ITGA6: variants seen among roughly 807,000 people sequenced by gnomAD.
ITGA6 encodes the protein integrin subunit alpha 6.
A neutral mutation model predicts 133.6 loss-of-function variants in ITGA6; 63 were observed. That is an observed-to-expected ratio of 0.47 (90% CI 0.38 to 0.58). ITGA6 has a LOEUF of 0.58. Ranked by LOEUF, ITGA6 falls within the 20% of genes least tolerant of loss-of-function variation. The pLI, the probability that ITGA6 is intolerant of heterozygous loss-of-function variation, is 0.00. For synonymous variants in ITGA6, 434 were observed against 482.0 expected, an observed-to-expected ratio of 0.90 and a Z score of 1.30; for missense variants, 1,068 against 1,309.4, an observed-to-expected ratio of 0.82 and a Z score of 2.85.
At chr2:172,489,440 C>A (rs761312862) in intron 19 of ITGA6, 45 bp from the exon 20 acceptor site, 1 of 1,453,878 alleles carries the variant, frequency 6.9e-7, no homozygotes, top group Non-Finnish European at 9.7e-7. Flanking sequence ...CTTAAATTTA[C>A]ATTGAGAAGA....
intron 1 of ITGA6, among the ~76,000 whole-genome samples, chr2:172,462,917 T>A (rs1323196614): frequency 6.6e-6 from 1 of 152,184 alleles, no homozygotes; most frequent in African/African-American, 2.4e-5. Flanking sequence ...TTTCTCTGGC[T>A]CCTTCCCTTG....
At chr2:172,494,918 G>A (rs929197312) in intron 23 of ITGA6, among the ~76,000 whole-genome samples, 2 of 152,080 alleles carry the variant, frequency 1.3e-5, no homozygotes, top group African/African-American at 4.8e-5. Context: ...ATTCTTCAGG[G>A]GAATAAGATT....
intron 1 of ITGA6, among the ~76,000 whole-genome samples, chr2:172,452,195 G>T (rs930739901): frequency 6.6e-6 from 1 of 152,118 alleles, no homozygotes; most frequent in African/African-American, 2.4e-5. Flanking sequence ...TTGACTACCA[G>T]AGGCCTTAAA....
intron 23 of ITGA6, among the ~76,000 whole-genome samples, chr2:172,493,108 A>G (rs549328394): frequency 6.6e-5 from 10 of 151,938 alleles, no homozygotes; most frequent in African/African-American, 2.4e-4. Context: ...GAGTCTCACC[A>G]TGTTGCCCAG....
At chr2:172,455,947 C>T (rs908472824) in intron 1 of ITGA6, among the ~76,000 whole-genome samples, 3 of 152,172 alleles carry the variant, frequency 2.0e-5, no homozygotes, top group Non-Finnish European at 4.4e-5. Flanking sequence ...TGGATAAACG[C>T]ACAAACAAGC....
At chr2:172,486,188 A>AAAC (rs1309882655) in intron 13 of ITGA6, among the ~76,000 whole-genome samples, 3 of 150,810 alleles carry the variant, frequency 2.0e-5, no homozygotes, top group Non-Finnish European at 4.4e-5. Flanking sequence ...AAAAAAAAAA[A>AAAC]AAAAAAAAAC....
intron 1 of ITGA6, among the ~76,000 whole-genome samples, chr2:172,433,847 C>T (rs1456161045): frequency 6.6e-6 from 1 of 152,066 alleles, no homozygotes; most frequent in Non-Finnish European, 1.5e-5. Flanking sequence ...ATAGATAAAT[C>T]CCAGTGAGGT....
intron 13 of ITGA6, 90 bp from the exon 14 acceptor site, chr2:172,486,933 A>G (rs578115703): frequency 1.2e-5 from 9 of 751,926 alleles, no homozygotes; most frequent in Admixed American, 9.5e-5. Flanking sequence ...ACACAGGGAA[A>G]TGAACTGTGT....
chr2:172,451,873 C>T (rs1431910962), intron 1 of ITGA6, among the ~76,000 whole-genome samples: 3 of 151,938 alleles, frequency 2.0e-5, no homozygotes, highest in South Asian at 2.1e-4. Context: ...CCTAATAATC[C>T]GAGGGACAGA....
intron 20 of ITGA6, chr2:172,489,974 C>T (rs964099412): frequency 3.5e-6 from 1 of 289,356 alleles, no homozygotes; most frequent in African/African-American, 2.2e-5. Flanking sequence ...GTAATAGTAG[C>T]TGCTGTTATC....
At position 172,475,038 on chromosome 2, in the gene ITGA6, C is replaced by T. The variant is rs765521638; in HGVS notation, c.1096C>T (p.Pro366Ser). ...GCAAGGCAGATGGAATAATGTGAAG[C>T]CAATTCGTCTTAATGGAACCAAAGA... ...NQQGRWNNVK[P>S]IRLNGTKDSM... Residue 366 changes from proline to serine, a missense_variant, in exon 7 of 26, where the codon CCA (proline) becomes TCA (serine). Pro to Ser is a moderately conservative substitution (Grantham distance 74). Transcript: ENST00000684293. 1.9e-6 allele frequency: 3 copies of T among 1,606,296 alleles called. No individual in the cohort carries two copies. In the Admixed American group the frequency reaches 5.0e-5, roughly 27 times the overall value.
At chr2:172,484,078 T>TG (rs565294243) in intron 11 of ITGA6, among the ~76,000 whole-genome samples, 165 of 152,382 alleles carry the variant, frequency 1.1e-3, no homozygotes, top group Middle Eastern at 0.01. Flanking sequence ...CCCAGAGTGC[T>TG]GGGATGCCAG....
At chr2:172,436,644 C>T (rs1162426034) in intron 1 of ITGA6, among the ~76,000 whole-genome samples, 1 of 152,144 alleles carries the variant, frequency 6.6e-6, no homozygotes, top group Non-Finnish European at 1.5e-5. Flanking sequence ...GGATTTTTGT[C>T]TGTATTCGAA....
Position 172,475,678 on chromosome 2 carries a change from C to A in ITGA6, c.1262C>A (p.Pro421Gln). ...HGSANGINTK[P>Q]TQVLKGISPY... ...TCTGCAAATGGAATAAATACCAAAC[C>A]AACACAGGTAACCAAATAACCGGGA... The change falls in exon 8 of 26, where the codon CCA becomes CAA. Residue 421 changes from proline to glutamine, a missense_variant. Physicochemically the swap from Pro to Gln is moderately conservative, Grantham distance 76. Coordinates refer to ENST00000684293, the MANE Select transcript of ITGA6 (RefSeq NM_000210.4). 1 of 1,573,712 alleles carries A rather than the reference C, an allele frequency of 6.4e-7. No homozygotes were observed. The highest frequency in any genetic ancestry group is 8.7e-7 in the Non-Finnish European group (1 of 1,143,288).
intron 25 of ITGA6, among the ~76,000 whole-genome samples, chr2:172,502,232 C>T (rs2293645): frequency 0.055 from 8,353 of 152,190 alleles, 372 homozygotes; most frequent in East Asian, 0.26. Context: ...GTTATTAATT[C>T]GGTATGTAGC....
At chr2:172,438,546 T>A (rs1020488283) in intron 1 of ITGA6, among the ~76,000 whole-genome samples, 1 of 151,888 alleles carries the variant, frequency 6.6e-6, no homozygotes, top group Non-Finnish European at 1.5e-5. Context: ...TACATTCTGT[T>A]GATTTTGACA....
intron 1 of ITGA6, among the ~76,000 whole-genome samples, chr2:172,441,749 G>A (rs1684553757): frequency 6.6e-6 from 1 of 152,016 alleles, no homozygotes; most frequent in South Asian, 2.1e-4. Context: ...GCCTGGAAAG[G>A]TAGACCACCA....
intron 24 of ITGA6, among the ~76,000 whole-genome samples, chr2:172,500,620 ACT>A (rs1337433293): frequency 6.6e-6 from 1 of 152,124 alleles, no homozygotes; most frequent in African/African-American, 2.4e-5. Context: ...ACAGAGTGAG[ACT>A]CTGTCTCAAA....
intron 1 of ITGA6, among the ~76,000 whole-genome samples, chr2:172,445,004 C>T (rs1684701025): frequency 6.6e-6 from 1 of 152,026 alleles, no homozygotes; most frequent in Non-Finnish European, 1.5e-5. Context: ...GTCTTGCTGT[C>T]ACCCAGGCTG....
Sources: allele counts gnomAD v4.1 joint callset (sites outside exome capture counted in the v4.1 genomes callset), GRCh38; gene constraint gnomAD v4.1.1; transcripts MANE v1.5; gene names NCBI Gene and HGNC (gene_info 2026-07-23, HGNC 2026-07-21).